RANBP2: variants seen among roughly 807,000 people sequenced by gnomAD.
RANBP2 encodes RAN binding protein 2.
In RANBP2, 57 loss-of-function variants were observed where a neutral mutation model predicts 303.6. That is an observed-to-expected ratio of 0.19 (90% CI 0.15 to 0.23). The LOEUF is 0.23. Ranked by LOEUF, RANBP2 falls within the 10% of genes least tolerant of loss-of-function variation. RANBP2 has a pLI of 1.00. For missense variants in RANBP2, 3,138 were observed against 3,780.8 expected (o/e 0.83, Z 4.46); for synonymous variants, 1,167 against 1,301.5 (o/e 0.90, Z 2.23).
chr2:108,839,878 G>A, the RANBP2 span, among the ~76,000 whole-genome samples: 1 of 149,834 alleles, frequency 6.7e-6, no homozygotes, highest in South Asian at 2.1e-4. Context: ...CTACCTTATT[G>A]CATTAGCTAG....
the RANBP2 span, among the ~76,000 whole-genome samples, chr2:109,147,141 G>C: frequency 6.6e-6 from 1 of 151,986 alleles, no homozygotes; most frequent in Non-Finnish European, 1.5e-5. Context: ...GTTTCTTTTT[G>C]TCCAAAAGAC....
the RANBP2 span, among the ~76,000 whole-genome samples, chr2:109,633,253 C>A: frequency 6.6e-6 from 1 of 151,844 alleles, no homozygotes; most frequent in East Asian, 1.9e-4. Flanking sequence ...ATTAGCCGGA[C>A]GTGGTGGTGC....
the RANBP2 span, among the ~76,000 whole-genome samples, chr2:108,939,788 T>C: frequency 6.6e-6 from 1 of 152,244 alleles, no homozygotes; most frequent in South Asian, 2.1e-4. Flanking sequence ...CTCATTTCTT[T>C]GCTCTCATCA....
chr2:108,770,901 G>C (rs1329030171), intron 20 of RANBP2, among the ~76,000 whole-genome samples: 1 of 152,086 alleles, frequency 6.6e-6, no homozygotes, highest in East Asian at 1.9e-4. Flanking sequence ...AATGTGGCTA[G>C]GCTACCATAT....
chr2:108,819,742 G>GT, the RANBP2 span, among the ~76,000 whole-genome samples: 7 of 152,088 alleles, frequency 4.6e-5, no homozygotes, highest in African/African-American at 7.2e-5. Context: ...TTTGTTTTCT[G>GT]TTTTTTCAAA....
At chr2:109,768,585 GT>G in the RANBP2 span, among the ~76,000 whole-genome samples, 1 of 136,860 alleles carries the variant, frequency 7.3e-6, no homozygotes, top group Non-Finnish European at 1.6e-5. Context: ...CCAAGTATTA[GT>G]TTTGGTCCAC....
chr2:109,409,292 A>G, the RANBP2 span, among the ~76,000 whole-genome samples: 34 of 152,346 alleles, frequency 2.2e-4, no homozygotes, highest in African/African-American at 6.0e-4. Flanking sequence ...CAGGGGCAGC[A>G]AACGTTCTAA....
the RANBP2 span, among the ~76,000 whole-genome samples, chr2:108,888,776 G>GTT: frequency 6.6e-6 from 1 of 151,334 alleles, no homozygotes; most frequent in African/African-American, 2.4e-5. Context: ...TTGAGTCTTT[G>GTT]TATTTTTTTA....
the RANBP2 span, among the ~76,000 whole-genome samples, chr2:109,334,930 A>G: frequency 7.9e-4 from 121 of 152,266 alleles, no homozygotes; most frequent in African/African-American, 2.8e-3. Flanking sequence ...GCCTTCCTGG[A>G]AAGGTTCTGC....
At chr2:108,929,388 G>A in the RANBP2 span, 4 of 1,613,836 alleles carry the variant, frequency 2.5e-6, no homozygotes, top group Non-Finnish European at 3.4e-6. Context: ...GACTGTCCAG[G>A]GAAAGAGGAC....
At chr2:108,974,676 G>A in the RANBP2 span, among the ~76,000 whole-genome samples, 3 of 152,082 alleles carry the variant, frequency 2.0e-5, no homozygotes, top group African/African-American at 2.4e-5. Flanking sequence ...GTTTCAGTGA[G>A]CCGAGATAGC....
chr2:108,976,818 C>G, the RANBP2 span, among the ~76,000 whole-genome samples: 1 of 150,868 alleles, frequency 6.6e-6, no homozygotes, highest in Non-Finnish European at 1.5e-5. Context: ...TCTTCTTTTT[C>G]TTTTCTTAGG....
the RANBP2 span, among the ~76,000 whole-genome samples, chr2:109,427,072 G>A: frequency 1.1e-4 from 17 of 152,050 alleles, no homozygotes; most frequent in Non-Finnish European, 4.4e-5. Flanking sequence ...GGGTTCAAGC[G>A]ATTCTCTGGC....
chr2:109,025,912 G>A, the RANBP2 span, among the ~76,000 whole-genome samples: 9 of 152,200 alleles, frequency 5.9e-5, no homozygotes, highest in African/African-American at 1.7e-4. Flanking sequence ...GATGGGGGAC[G>A]ACGTGTCCCA....
At chr2:108,873,678 G>A in the RANBP2 span, 2 of 822,630 alleles carry the variant, frequency 2.4e-6, no homozygotes, top group Non-Finnish European at 3.7e-6. Context: ...TGGCTTCCCT[G>A]GGCCACACTG....
the RANBP2 span, chr2:109,449,145 G>A: frequency 6.8e-6 from 11 of 1,607,106 alleles, no homozygotes; most frequent in Admixed American, 1.2e-4. Context: ...CTTTCAACCT[G>A]CTGTCTCTCC....
chr2:109,199,114 C>G, the RANBP2 span, among the ~76,000 whole-genome samples: 1 of 151,924 alleles, frequency 6.6e-6, no homozygotes, highest in Non-Finnish European at 1.5e-5. Context: ...AATCCCAGCA[C>G]TTTGGGAGGC....
chr2:109,411,811 C>T, the RANBP2 span, among the ~76,000 whole-genome samples: 1 of 152,232 alleles, frequency 6.6e-6, no homozygotes, highest in Non-Finnish European at 1.5e-5. Context: ...ACACATCTGA[C>T]CTCTCTCTGC....
At chr2:109,007,651 G>A in the RANBP2 span, among the ~76,000 whole-genome samples, 1 of 152,320 alleles carries the variant, frequency 6.6e-6, no homozygotes, top group South Asian at 2.1e-4. Context: ...GAGAGGCAGG[G>A]AAGAAGGAGA....
Sources: gnomAD v4.1 joint callset for allele counts (sites outside exome capture counted in the v4.1 genomes callset) on GRCh38, gnomAD v4.1.1 for gene constraint, MANE v1.5 for transcripts, NCBI Gene and HGNC (gene_info 2026-07-23, HGNC 2026-07-21) for gene names.